TUFT1: variants seen among roughly 807,000 people sequenced by gnomAD.
The protein encoded by TUFT1 is tuftelin.
In TUFT1, 43 loss-of-function variants were observed where a neutral mutation model predicts 57.8. That is an observed-to-expected ratio of 0.74 (90% CI 0.58 to 0.96). The LOEUF (loss-of-function observed/expected upper bound fraction) is 0.96. Ranked by LOEUF, TUFT1 falls within the 40% of genes least tolerant of loss-of-function variation. The pLI is 0.00. For missense variants in TUFT1, 459 were observed against 489.0 expected (o/e 0.94, Z 0.58); for synonymous variants, 166 against 176.7 (o/e 0.94, Z 0.48).
intron 6 of TUFT1, among the ~76,000 whole-genome samples, chr1:151,566,643 C>A (rs927880893): frequency 7.9e-5 from 12 of 151,982 alleles, no homozygotes; most frequent in African/African-American, 2.9e-4. Context: ...TGCCAGTATT[C>A]TAGAATATTT....
intron 1 of TUFT1, 125 bp from the exon 2 acceptor site, chr1:151,561,966 T>C: frequency 6.7e-7 from 1 of 1,483,038 alleles, no homozygotes; most frequent in Non-Finnish European, 9.2e-7. Context: ...GTTTTCCTAG[T>C]CTGTGAAGTG....
intron 1 of TUFT1, among the ~76,000 whole-genome samples, chr1:151,560,146 G>T (rs781319285): frequency 6.6e-6 from 1 of 150,912 alleles, no homozygotes. Context: ...GGCCGGGTGC[G>T]GTGGCTCACG....
At chr1:151,553,815 C>T (rs1010741839) in intron 1 of TUFT1, among the ~76,000 whole-genome samples, 5 of 151,892 alleles carry the variant, frequency 3.3e-5, no homozygotes, top group African/African-American at 1.2e-4. Context: ...CTGAACACTT[C>T]GTATTTTTTT....
intron 1 of TUFT1, chr1:151,561,688 T>C: frequency 7.8e-7 from 1 of 1,282,260 alleles, no homozygotes; most frequent in Non-Finnish European, 1.0e-6. Context: ...TCTTGTAAAG[T>C]GCATCAATAA....
chr1:151,542,484 G>A (rs1298444222), intron 1 of TUFT1, among the ~76,000 whole-genome samples: 1 of 151,192 alleles, frequency 6.6e-6, no homozygotes, highest in Non-Finnish European at 1.5e-5. Flanking sequence ...TGCCCACCTT[G>A]GCCTCCCAAA....
chr1:151,578,599 A>G, intron 9 of TUFT1, 122 bp from the exon 10 acceptor site: 1 of 738,960 alleles, frequency 1.4e-6, no homozygotes, highest in South Asian at 1.6e-5. Context: ...AGAGCAGCCT[A>G]CCAGGGAATC....
At position 151,581,929 on chromosome 1, in the gene TUFT1, T is replaced by C; in HGVS notation, c.*222T>C. ...GGCACTGCAGCCCTTTGGAAGACAT[T>C]GTCCTGCAAGCAGGAGCCAGGGCAA... On this transcript the variant is annotated 3_prime_UTR_variant, in exon 13 of 13. Coordinates refer to ENST00000368849, the MANE Select transcript of TUFT1 (RefSeq NM_020127.3). 1.6e-6 allele frequency: 1 copy of C among 621,482 alleles called. No individual in the cohort carries two copies. Among genetic ancestry groups the C allele is most frequent in the South Asian group, 1.9e-5 (1 of 53,840 alleles). 38.5% of individuals were successfully genotyped at this position (621,482 alleles called of 1,614,324 possible).
intron 4 of TUFT1, 138 bp downstream of exon 4, chr1:151,564,128 C>G: frequency 1.5e-6 from 1 of 665,444 alleles, no homozygotes; most frequent in South Asian, 2.0e-5. Context: ...CATGCCCTCC[C>G]GTGTGTCAAA....
chr1:151,560,956 TTG>T (rs68056033), intron 1 of TUFT1, among the ~76,000 whole-genome samples: 12,803 of 132,184 alleles, frequency 0.097, 679 homozygotes, highest in African/African-American at 0.2. Context: ...CTGCAAAGTA[TTG>T]TGTGTGTGTG....
At chr1:151,546,110 C>T (rs1026021123) in intron 1 of TUFT1, among the ~76,000 whole-genome samples, 1 of 147,840 alleles carries the variant, frequency 6.8e-6, no homozygotes, top group Non-Finnish European at 1.5e-5. Flanking sequence ...TTTTCATCCT[C>T]TCTCTCTTTT....
chr1:151,544,861 A>G (rs979440186), intron 1 of TUFT1, among the ~76,000 whole-genome samples: 2 of 152,196 alleles, frequency 1.3e-5, no homozygotes, highest in Non-Finnish European at 2.9e-5. Context: ...TAATTGATTT[A>G]TCAGTTTTAG....
intron 6 of TUFT1, among the ~76,000 whole-genome samples, chr1:151,566,793 T>C (rs184860416): frequency 6.6e-6 from 1 of 151,732 alleles, no homozygotes; most frequent in Non-Finnish European, 1.5e-5. Flanking sequence ...CTTTGCTTGC[T>C]TTTTTTTTCT....
chr1:151,563,007 T>G (rs1164698510), intron 3 of TUFT1, among the ~76,000 whole-genome samples: 1 of 152,116 alleles, frequency 6.6e-6, no homozygotes, highest in Non-Finnish European at 1.5e-5. Context: ...GGAACTTATG[T>G]TTTCCTATAA....
chr1:151,575,029 G>A lies in TUFT1; in HGVS notation c.818+24G>A, dbSNP rs775301891. The stretch of plus-strand genomic sequence containing the variant: ...AAGTAAGGGCTTGGCTCTTGTTCAC[G>A]GTGAAGTTGGGTTGCAGGGAGGGGA... On this transcript the variant is annotated intron_variant, in intron 9 of 12. Transcript: ENST00000368849. 2.6e-5 allele frequency: 40 copies of A among 1,548,646 alleles called. No homozygotes were observed. The East Asian group carries it at 3.2e-4, about 12-fold the overall frequency.
chr1:151,568,352 C>T (rs967839532), intron 6 of TUFT1, among the ~76,000 whole-genome samples: 1 of 152,152 alleles, frequency 6.6e-6, no homozygotes, highest in Admixed American at 6.5e-5. Context: ...TATCTTCTTC[C>T]CTCTTTGTTC....
At chr1:151,566,300 T>C (rs1666077121) in intron 6 of TUFT1, 72 bp downstream of exon 6, 1 of 1,263,222 alleles carries the variant, frequency 7.9e-7, no homozygotes, top group Non-Finnish European at 1.1e-6. Context: ...ATCCTTTTGT[T>C]TATTGCTTTC....
chr1:151,569,162 A>G (rs1490365813), intron 6 of TUFT1, among the ~76,000 whole-genome samples: 4 of 152,190 alleles, frequency 2.6e-5, no homozygotes, highest in Admixed American at 6.5e-5. Context: ...ATCCATCAGT[A>G]ACCCTTTATA....
intron 12 of TUFT1, 118 bp downstream of exon 12, chr1:151,581,160 C>T (rs1666636566): frequency 3.2e-6 from 3 of 943,372 alleles, no homozygotes; most frequent in African/African-American, 1.7e-5. Context: ...CAACTTTCCT[C>T]CCTCAGTCTG....
In TUFT1 at chr1:151,581,808, C is replaced by T. The variant is rs2102561860; in HGVS notation, c.*101C>T. The T allele has an allele frequency of 7.9e-7, 1 of 1,271,002 alleles. No homozygotes were observed. Among genetic ancestry groups the T allele is most frequent in the East Asian group, 2.4e-5 (1 of 42,098 alleles). The allele number at this position is 1,271,002 out of a possible 1,614,324, so 78.7% of individuals were successfully genotyped here. On this transcript the variant is annotated 3_prime_UTR_variant, in exon 13 of 13. Coordinates refer to ENST00000368849, the MANE Select transcript of TUFT1 (RefSeq NM_020127.3). Reference sequence around the variant, plus strand: ...ACTGCCTTTGACTTCCTGACTGTCCCCTGGCTGCACCCAGGACTTCGGGCT... The same window carrying T: ...ACTGCCTTTGACTTCCTGACTGTCCTCTGGCTGCACCCAGGACTTCGGGCT...
Sources: allele counts gnomAD v4.1 joint callset (sites outside exome capture counted in the v4.1 genomes callset), GRCh38; gene constraint gnomAD v4.1.1; transcripts MANE v1.5; gene names NCBI Gene and HGNC (gene_info 2026-07-23, HGNC 2026-07-21).